The following SEPTIN14 variants were observed in gnomAD, a reference collection of about 807,000 sequenced individuals.
SEPTIN14 encodes septin-14.
Under a neutral mutation model 53.6 loss-of-function variants are expected in SEPTIN14, and 40 were observed. The observed-to-expected ratio is 0.75, with a 90% CI of 0.58 to 0.97. The LOEUF (loss-of-function observed/expected upper bound fraction) is 0.97. SEPTIN14 is among the 50% of genes least tolerant of loss of function. SEPTIN14 has a pLI of 0.00. For missense variants in SEPTIN14, 471 were observed against 508.2 expected (o/e 0.93, Z 0.70); for synonymous variants, 138 against 166.8 (o/e 0.83, Z 1.33).
At chr7:55,848,606 GAT>G (rs1491353712) in intron 2 of SEPTIN14, among the ~76,000 whole-genome samples, 3 of 126,906 alleles carry the variant, frequency 2.4e-5, no homozygotes, top group African/African-American at 9.3e-5. Flanking sequence ...TACTAACAGA[GAT>G]TTTTTTTTTT....
chr7:55,806,488 A>G, intron 8 of SEPTIN14, among the ~76,000 whole-genome samples: 2 of 139,596 alleles, frequency 1.4e-5, no homozygotes, highest in African/African-American at 2.8e-5. Flanking sequence ...TTTAAGATGG[A>G]GTCTTGCTCA....
intron 5 of SEPTIN14, among the ~76,000 whole-genome samples, chr7:55,840,205 G>A (rs1406851382): frequency 6.9e-5 from 10 of 145,008 alleles, no homozygotes; most frequent in Non-Finnish European, 1.1e-4. Context: ...GATAAAATGT[G>A]AGGCCGGGCA....
chr7:55,820,630 T>C (rs1478860247), intron 6 of SEPTIN14, among the ~76,000 whole-genome samples: 2 of 152,150 alleles, frequency 1.3e-5, no homozygotes, highest in African/African-American at 4.8e-5. Context: ...AATCTAAATC[T>C]GTATACTTTC....
At chr7:55,850,937 C>G (rs932291465) in intron 2 of SEPTIN14, 6 of 151,948 alleles carry the variant, frequency 3.9e-5, no homozygotes, top group Non-Finnish European at 8.8e-5. Flanking sequence ...ATTAGCCAGT[C>G]ATGGTGGCGG....
intron 2 of SEPTIN14, among the ~76,000 whole-genome samples, chr7:55,852,954 C>A (rs1450550268): frequency 6.6e-6 from 1 of 152,148 alleles, no homozygotes; most frequent in East Asian, 1.9e-4. Context: ...ACATCATTGA[C>A]CATCAGAGAA....
At chr7:55,801,698 T>C (rs994854828) in intron 9 of SEPTIN14, among the ~76,000 whole-genome samples, 2 of 152,012 alleles carry the variant, frequency 1.3e-5, no homozygotes, top group African/African-American at 2.4e-5. Context: ...GGTGGGCAGA[T>C]CACTTGAACT....
rs754606217 is a variant in SEPTIN14 at position 55,834,552 on chromosome 7, G to C, written c.593C>G (p.Thr198Ser). The C allele has an allele frequency of 4.3e-6, 7 of 1,610,682 alleles. No individual in the cohort carries two copies. The highest frequency in any genetic ancestry group is 5.9e-6 in the Non-Finnish European group (7 of 1,177,636). Residue 198 changes from threonine (T) to serine (S), a missense_variant, in exon 6 of 10, where the codon ACT becomes AGT. Thr to Ser is a moderately conservative substitution (Grantham distance 58). Transcript: ENST00000388975. ...NIIPLIAKAD[T>S]ISKNDLQTFK... ...CGTCTGTAAATCATTTTTAGAAATA[G>C]TGTCTGCTTTGGCAATCAGTGGTAT...
chr7:55,808,017 A>G (rs994923149), intron 7 of SEPTIN14, among the ~76,000 whole-genome samples: 8 of 152,216 alleles, frequency 5.3e-5, no homozygotes, highest in Non-Finnish European at 1.2e-4. Flanking sequence ...GGCAAATATT[A>G]GCAGACCTGA....
At chr7:55,840,793 C>T (rs1259913519) in intron 5 of SEPTIN14, among the ~76,000 whole-genome samples, 2 of 152,092 alleles carry the variant, frequency 1.3e-5, no homozygotes, top group Non-Finnish European at 2.9e-5. Flanking sequence ...CAGGTACAGT[C>T]GTGCACCACA....
chr7:55,801,022 A>T (rs1344861918), intron 9 of SEPTIN14, among the ~76,000 whole-genome samples: 3 of 152,158 alleles, frequency 2.0e-5, no homozygotes, highest in Non-Finnish European at 4.4e-5. Flanking sequence ...AATGAAGATA[A>T]AAAACAACAT....
intron 5 of SEPTIN14, among the ~76,000 whole-genome samples, chr7:55,838,575 C>G: frequency 7.7e-6 from 1 of 129,034 alleles, no homozygotes; most frequent in African/African-American, 2.9e-5. Context: ...CTCTCTTTCT[C>G]TCTTTCGCTC....
chr7:55,857,110 C>A (rs1387120718), intron 2 of SEPTIN14, among the ~76,000 whole-genome samples: 6 of 151,720 alleles, frequency 4.0e-5, no homozygotes, highest in Non-Finnish European at 8.8e-5. Context: ...TGGTGGCTTA[C>A]ACCTGTATTC....
At chr7:55,846,906 G>A (rs1235200703) in intron 2 of SEPTIN14, among the ~76,000 whole-genome samples, 1 of 152,098 alleles carries the variant, frequency 6.6e-6, no homozygotes, top group South Asian at 2.1e-4. Flanking sequence ...AAGAGACAGG[G>A]GACAGGCACG....
chr7:55,810,923 AGCAC>A, intron 7 of SEPTIN14: 1 of 373,988 alleles, frequency 2.7e-6, no homozygotes, highest in Non-Finnish European at 5.3e-6. Flanking sequence ...TAACAGTGAT[AGCAC>A]AGCTTGACCT....
At chr7:55,836,526 G>A (rs1789209761) in intron 5 of SEPTIN14, among the ~76,000 whole-genome samples, 1 of 152,154 alleles carries the variant, frequency 6.6e-6, no homozygotes, top group South Asian at 2.1e-4. Context: ...ATCACCTGGG[G>A]CCAGGAGTTC....
intron 7 of SEPTIN14, 88 bp downstream of exon 7, chr7:55,819,039 G>T: frequency 1.3e-6 from 1 of 765,680 alleles, no homozygotes; most frequent in Non-Finnish European, 2.2e-6. Flanking sequence ...ACCAATATTA[G>T]TTCAAGTTAA....
At chr7:55,841,729 C>T (rs1789315034) in intron 5 of SEPTIN14, among the ~76,000 whole-genome samples, 2 of 152,024 alleles carry the variant, frequency 1.3e-5, no homozygotes, top group African/African-American at 4.8e-5. Context: ...GTGGCACATG[C>T]CTGTAATCTC....
In SEPTIN14 at chr7:55,807,181, T is replaced by C. The variant is rs1788623257; in HGVS notation, c.895A>G (p.Lys299Glu). The change falls in exon 8 of 10, where the codon AAA becomes GAA. Residue 299 changes from lysine (K) to glutamate (E), a missense_variant. Transcript: ENST00000388975. ...LCTNMENLKE[K>E]THTQHYECYR... The stretch of plus-strand genomic sequence containing the variant: ...CATTCATAGTGCTGAGTGTGGGTTT[T>C]TTCTTTTAGATTTTCCATATTGGTA... The C allele has an allele frequency of 6.2e-7, 1 of 1,611,000 alleles. No homozygotes were observed. Among genetic ancestry groups the C allele is most frequent in the Non-Finnish European group, 8.5e-7 (1 of 1,178,834 alleles).
At chr7:55,836,956 T>C (rs1789218750) in intron 5 of SEPTIN14, among the ~76,000 whole-genome samples, 1 of 152,140 alleles carries the variant, frequency 6.6e-6, no homozygotes, top group Non-Finnish European at 1.5e-5. Flanking sequence ...GAACTTTTTC[T>C]CTCTTCAACT....
Sources: allele counts gnomAD v4.1 joint callset (sites outside exome capture counted in the v4.1 genomes callset), GRCh38; gene constraint gnomAD v4.1.1; transcripts MANE v1.5; gene names NCBI Gene and HGNC (gene_info 2026-07-23, HGNC 2026-07-21).